GPC5: variants seen among roughly 807,000 people sequenced by gnomAD.
GPC5 encodes glypican 5, also known as glypican-5.
GPC5 carries 47 observed loss-of-function variants against 53.9 expected under a neutral mutation model. The observed-to-expected ratio is 0.87, with a 90% CI of 0.69 to 1.11. GPC5 has a LOEUF of 1.11. Among genes scored for constraint, GPC5 ranks in the 50% most tolerant of loss-of-function variants. The pLI is 0.00. For missense variants in GPC5, 748 were observed against 713.1 expected, an observed-to-expected ratio of 1.05 and a Z score of -0.56; for synonymous variants, 286 against 263.3, an observed-to-expected ratio of 1.09 and a Z score of -0.84.
intron 1 of GPC5, among the ~76,000 whole-genome samples, chr13:91,409,533 T>C (rs1322864843): frequency 6.6e-6 from 1 of 152,252 alleles, no homozygotes; most frequent in Non-Finnish European, 1.5e-5. Flanking sequence ...TTTGGAAATA[T>C]CTTACATAAG....
At chr13:92,838,553 T>A (rs969852821) in intron 7 of GPC5, among the ~76,000 whole-genome samples, 1 of 151,564 alleles carries the variant, frequency 6.6e-6, no homozygotes, top group South Asian at 2.1e-4. Flanking sequence ...ATCGTGCCTC[T>A]ATAATTGTTA....
intron 7 of GPC5, among the ~76,000 whole-genome samples, chr13:92,796,789 A>G (rs962628437): frequency 1.3e-5 from 2 of 151,914 alleles, no homozygotes; most frequent in African/African-American, 4.8e-5. Context: ...TTTAAACCCG[A>G]TCTCCACTAC....
At chr13:92,373,395 T>C (rs375086729) in intron 7 of GPC5, among the ~76,000 whole-genome samples, 1 of 152,216 alleles carries the variant, frequency 6.6e-6, no homozygotes, top group East Asian at 1.9e-4. Flanking sequence ...ATGTTCTCTC[T>C]GTAGAAATGC....
chr13:92,491,281 A>AT (rs974583866), intron 7 of GPC5, among the ~76,000 whole-genome samples: 1 of 152,066 alleles, frequency 6.6e-6, no homozygotes, highest in Admixed American at 6.6e-5. Flanking sequence ...AAAAGATCTG[A>AT]TTTTTTTAGT....
chr13:92,770,254 A>G (rs998095409), intron 7 of GPC5, among the ~76,000 whole-genome samples: 19 of 152,006 alleles, frequency 1.2e-4, no homozygotes, highest in Admixed American at 1.1e-3. Flanking sequence ...TCTCTAAAAG[A>G]TATCAAAAAA....
intron 7 of GPC5, among the ~76,000 whole-genome samples, chr13:92,255,484 G>A (rs1232153485): frequency 6.6e-6 from 1 of 151,936 alleles, no homozygotes; most frequent in East Asian, 1.9e-4. Flanking sequence ...GTATCTAGAT[G>A]TATAAACTTG....
intron 7 of GPC5, among the ~76,000 whole-genome samples, chr13:92,233,631 T>G (rs2042547447): frequency 2.0e-5 from 3 of 152,158 alleles, no homozygotes; most frequent in Admixed American, 2.0e-4. Context: ...GTTTGTTAAT[T>G]TTTTTTATGC....
chr13:92,206,104 T>C (rs1284973390), intron 7 of GPC5, among the ~76,000 whole-genome samples: 4 of 149,292 alleles, frequency 2.7e-5, no homozygotes, highest in Non-Finnish European at 5.9e-5. Context: ...TCCATATATA[T>C]ATATTTGTTG....
At chr13:92,343,281 G>A (rs1594115279) in intron 7 of GPC5, among the ~76,000 whole-genome samples, 1 of 152,164 alleles carries the variant, frequency 6.6e-6, no homozygotes, top group South Asian at 2.1e-4. Flanking sequence ...GAGGCCAGCA[G>A]GGCAGGAAAT....
intron 7 of GPC5, among the ~76,000 whole-genome samples, chr13:92,384,608 T>C (rs2043777104): frequency 6.6e-6 from 1 of 152,266 alleles, no homozygotes; most frequent in African/African-American, 2.4e-5. Context: ...CGAGTGATCT[T>C]AAAAGCAGAC....
At position 92,527,897 on chromosome 13, in the gene GPC5, G is replaced by C. The variant is rs576882240; in HGVS notation, c.1562-338385G>C. Among the ~76,000 whole-genome samples the C allele has an allele frequency of 3.9e-5, 6 of 152,188 alleles. No individual in the cohort carries two copies. The East Asian group carries it at 1.2e-3, about 29-fold the overall frequency. On this transcript the variant is annotated intron_variant, in intron 7 of 7. Coordinates refer to ENST00000377067, the MANE Select transcript of GPC5 (RefSeq NM_004466.6). ...AAAGAAAATATTTAAGTGTGACTTA[G>C]TTGTGATATAAAAGCTATTTTCCCC...
At chr13:92,073,501 T>A (rs1212074713) in intron 6 of GPC5, among the ~76,000 whole-genome samples, 1 of 152,242 alleles carries the variant, frequency 6.6e-6, no homozygotes, top group Non-Finnish European at 1.5e-5. Flanking sequence ...ACTTTCTATG[T>A]CATACAGTCA....
intron 2 of GPC5, among the ~76,000 whole-genome samples, chr13:91,665,561 GGC>G (rs1441655601): frequency 6.7e-6 from 1 of 149,192 alleles, no homozygotes; most frequent in Non-Finnish European, 1.5e-5. Context: ...GGAGTCCAGT[GGC>G]GCCATCTCGG....
intron 7 of GPC5, among the ~76,000 whole-genome samples, chr13:92,281,089 T>C (rs9516034): frequency 0.085 from 13,004 of 152,234 alleles, 611 homozygotes; most frequent in Middle Eastern, 0.12. Context: ...AATGGCACAC[T>C]GGGAGATAAT....
At chr13:92,363,920 C>A (rs1384224972) in intron 7 of GPC5, among the ~76,000 whole-genome samples, 1 of 151,612 alleles carries the variant, frequency 6.6e-6, no homozygotes, top group Non-Finnish European at 1.5e-5. Context: ...TGAACTAAGA[C>A]AAGAATGCCG....
chr13:91,782,430 C>G (rs1441474831), intron 5 of GPC5, among the ~76,000 whole-genome samples: 1 of 152,104 alleles, frequency 6.6e-6, no homozygotes, highest in Non-Finnish European at 1.5e-5. Context: ...GAAAGGGAAG[C>G]AAGGACCTTC....
At chr13:91,828,360 T>G (rs1361619876) in intron 5 of GPC5, among the ~76,000 whole-genome samples, 3 of 148,364 alleles carry the variant, frequency 2.0e-5, no homozygotes, top group Non-Finnish European at 4.5e-5. Context: ...GGTAGGTAGG[T>G]AGGTAGGTAG....
intron 5 of GPC5, among the ~76,000 whole-genome samples, chr13:91,876,830 C>A (rs1156536341): frequency 6.6e-6 from 1 of 152,194 alleles, no homozygotes; most frequent in Admixed American, 6.5e-5. Context: ...GAGACCTTCA[C>A]AGCAGCCCCT....
chr13:92,659,801 C>T (rs1234806487), intron 7 of GPC5, among the ~76,000 whole-genome samples: 1 of 152,042 alleles, frequency 6.6e-6, no homozygotes, highest in Non-Finnish European at 1.5e-5. Flanking sequence ...GGCTGATGTT[C>T]CCTGAGGAAG....
Sources: gnomAD v4.1 joint callset for allele counts (sites outside exome capture counted in the v4.1 genomes callset) on GRCh38, gnomAD v4.1.1 for gene constraint, MANE v1.5 for transcripts, NCBI Gene and HGNC (gene_info 2026-07-23, HGNC 2026-07-21) for gene names.